Variants in WNT7A observed in about 807,000 individuals in gnomAD.
The protein encoded by WNT7A is protein Wnt-7a.
In WNT7A, 16 loss-of-function variants were observed where a neutral mutation model predicts 28.2. That is an observed-to-expected ratio of 0.57 (90% CI 0.38 to 0.86). The LOEUF is 0.86. Ranked by LOEUF, WNT7A falls within the 40% of genes least tolerant of loss-of-function variation. The pLI, the probability that WNT7A is intolerant of heterozygous loss-of-function variation, is 0.00. For missense variants in WNT7A, 411 were observed against 489.7 expected (o/e 0.84, Z 1.52); for synonymous variants, 190 against 195.9 (o/e 0.97, Z 0.25).
At chr3:13,855,587 C>A (rs1249364155) in intron 2 of WNT7A, among the ~76,000 whole-genome samples, 1 of 152,132 alleles carries the variant, frequency 6.6e-6, no homozygotes, top group Non-Finnish European at 1.5e-5. Flanking sequence ...CAGGAGACAG[C>A]GTGGGACAGG....
At chr3:13,823,000 G>A (rs531850776) in intron 3 of WNT7A, among the ~76,000 whole-genome samples, 3 of 152,314 alleles carry the variant, frequency 2.0e-5, no homozygotes, top group Admixed American at 1.3e-4. Flanking sequence ...AATGGGCTCC[G>A]ATCAGGTGAC....
chr3:13,836,792 T>G (rs1454925038), intron 3 of WNT7A, among the ~76,000 whole-genome samples: 1 of 151,972 alleles, frequency 6.6e-6, no homozygotes, highest in Non-Finnish European at 1.5e-5. Context: ...TGAAGAGGAG[T>G]TCGCCACTGG....
chr3:13,839,675 A>G (rs1694425894), intron 3 of WNT7A, among the ~76,000 whole-genome samples: 1 of 152,098 alleles, frequency 6.6e-6, no homozygotes, highest in Non-Finnish European at 1.5e-5. Context: ...ACAAAACTTA[A>G]CCGACCCCTT....
chr3:13,857,387 G>A (rs1051124904), intron 2 of WNT7A, among the ~76,000 whole-genome samples: 15 of 152,224 alleles, frequency 9.9e-5, no homozygotes, highest in Middle Eastern at 3.4e-3. Flanking sequence ...ATAGATCCTC[G>A]GGCAAAGAAA....
intron 3 of WNT7A, among the ~76,000 whole-genome samples, chr3:13,837,770 T>A (rs1245037697): frequency 6.6e-6 from 1 of 152,154 alleles, no homozygotes; most frequent in Non-Finnish European, 1.5e-5. Context: ...TCTGTGCCCT[T>A]GACCACCTCC....
intron 3 of WNT7A, among the ~76,000 whole-genome samples, chr3:13,823,784 G>A (rs986022429): frequency 8.5e-5 from 13 of 152,194 alleles, no homozygotes; most frequent in African/African-American, 3.1e-4. Context: ...CCTTCCAGAT[G>A]GTTTGGCCTG....
intron 3 of WNT7A, among the ~76,000 whole-genome samples, chr3:13,833,342 C>T (rs1694312375): frequency 1.3e-5 from 2 of 152,316 alleles, no homozygotes; most frequent in Admixed American, 1.3e-4. Flanking sequence ...CACACACAGT[C>T]CTGCCCACAT....
chr3:13,856,602 T>C (rs367870941), intron 2 of WNT7A, among the ~76,000 whole-genome samples: 1 of 152,130 alleles, frequency 6.6e-6, no homozygotes, highest in Admixed American at 6.5e-5. Flanking sequence ...CAGATCACTT[T>C]AGGTCAGGAG....
At chr3:13,866,303 G>A (rs1445592024) in intron 2 of WNT7A, among the ~76,000 whole-genome samples, 4 of 152,242 alleles carry the variant, frequency 2.6e-5, no homozygotes, top group African/African-American at 7.2e-5. Context: ...GATGTATGGG[G>A]CACTTCCTGT....
intron 2 of WNT7A, among the ~76,000 whole-genome samples, chr3:13,865,167 C>T (rs1191340711): frequency 6.6e-6 from 1 of 152,196 alleles, no homozygotes; most frequent in Non-Finnish European, 1.5e-5. Flanking sequence ...TGAGTGGACC[C>T]TCTAGATTGA....
In WNT7A at chr3:13,842,848, G is replaced by A. The variant is rs1694484131; in HGVS notation, c.570+11684C>T. Among the ~76,000 whole-genome samples the A allele has an allele frequency of 2.6e-5, 4 of 152,304 alleles. No homozygotes were observed. The South Asian group carries it at 8.3e-4, about 32-fold the overall frequency. ...CTGGATGCACAGGACTTGTGTTCGG[G>A]AGGCAGGTCTGGGCTGGAGACTGGA... On this transcript the variant is annotated intron_variant, in intron 3 of 3. Coordinates refer to ENST00000285018, the MANE Select transcript of WNT7A (RefSeq NM_004625.4).
intron 3 of WNT7A, among the ~76,000 whole-genome samples, chr3:13,823,093 C>G (rs1204513207): frequency 2.0e-5 from 3 of 152,212 alleles, no homozygotes; most frequent in Admixed American, 6.5e-5. Flanking sequence ...GGCATAATCA[C>G]AGCTGCCTGG....
intron 3 of WNT7A, among the ~76,000 whole-genome samples, chr3:13,847,346 C>T (rs549243528): frequency 6.6e-6 from 1 of 152,322 alleles, no homozygotes; most frequent in East Asian, 1.9e-4. Flanking sequence ...CCGACCCTGG[C>T]CAGCTCTAGG....
chr3:13,872,643 C>T (rs1695043651), intron 2 of WNT7A, among the ~76,000 whole-genome samples: 2 of 152,166 alleles, frequency 1.3e-5, no homozygotes, highest in Admixed American at 1.3e-4. Context: ...TGCCTCTTGC[C>T]ACTGGCCTCT....
Position 13,850,329 on chromosome 3 carries a change from C to A in WNT7A, c.570+4203G>T, listed in dbSNP as rs564023367. Among the ~76,000 whole-genome samples, 8 of 152,328 alleles carry A rather than the reference C, an allele frequency of 5.3e-5. No individual in the cohort carries two copies. The South Asian group carries it at 1.7e-3, about 32-fold the overall frequency. On this transcript the variant is annotated intron_variant, in intron 3 of 3. Transcript: ENST00000285018. ...CAGAGAGGAGCATAGCTGAGCAGGC[C>A]TTATCTGGGCTCCGCCCCAGCTGCC...
At chr3:13,862,833 C>T (rs1350404944) in intron 2 of WNT7A, among the ~76,000 whole-genome samples, 1 of 152,242 alleles carries the variant, frequency 6.6e-6, no homozygotes, top group Non-Finnish European at 1.5e-5. Flanking sequence ...GCATCTACTC[C>T]TTCCTGGCTT....
At chr3:13,861,424 G>A (rs1365331068) in intron 2 of WNT7A, among the ~76,000 whole-genome samples, 1 of 152,240 alleles carries the variant, frequency 6.6e-6, no homozygotes, top group Non-Finnish European at 1.5e-5. Context: ...CTGTTCTAGG[G>A]CATGAGGAAA....
intron 2 of WNT7A, among the ~76,000 whole-genome samples, chr3:13,862,726 G>A (rs186884913): frequency 6.6e-6 from 1 of 152,208 alleles, no homozygotes; most frequent in East Asian, 1.9e-4. Flanking sequence ...CTGGGGAGGG[G>A]TGTGTGCAAG....
intron 3 of WNT7A, among the ~76,000 whole-genome samples, chr3:13,828,662 G>C (rs1375856955): frequency 6.6e-6 from 1 of 152,198 alleles, no homozygotes; most frequent in Non-Finnish European, 1.5e-5. Context: ...AGGACCTCGA[G>C]GGCTGGAGCT....
Sources: gnomAD v4.1 joint callset for allele counts (sites outside exome capture counted in the v4.1 genomes callset) on GRCh38, gnomAD v4.1.1 for gene constraint, MANE v1.5 for transcripts, NCBI Gene and HGNC (gene_info 2026-07-23, HGNC 2026-07-21) for gene names.